TSPAN6: variants seen among roughly 807,000 people sequenced by gnomAD.
TSPAN6 encodes tetraspanin 6.
A neutral mutation model predicts 18.0 loss-of-function variants in TSPAN6; 13 were observed. The observed-to-expected ratio is 0.72, with a 90% CI of 0.47 to 1.15. The LOEUF is 1.15. Ranked by LOEUF, TSPAN6 falls within the 50% of genes most tolerant of loss-of-function variation. The pLI, the probability that TSPAN6 is intolerant of heterozygous loss-of-function variation, is 0.00. For synonymous variants in TSPAN6, 82 were observed against 67.0 expected (o/e 1.22, Z -1.09); for missense variants, 186 against 183.9 (o/e 1.01, Z -0.07).
rs2083043244 is a variant in TSPAN6, at chrX:100,629,249, T to G, written c.*777A>C. ...TCAAACAAGAGGGAAAGTATGAACA[T>G]CATAATAAATGCCTCAATTTGGAGG... On this transcript the variant is annotated 3_prime_UTR_variant, in exon 8 of 8. Coordinates refer to ENST00000373020, the MANE Select transcript of TSPAN6 (RefSeq NM_003270.4). 8.9e-6 allele frequency: 1 copy of G among 111,810 alleles called. No homozygotes were observed. Among genetic ancestry groups the G allele is most frequent in the Admixed American group, 9.5e-5 (1 of 10,539 alleles). The allele number at this position is 111,810 out of a possible 1,213,427, so 9.2% of individuals were successfully genotyped here. A position where few individuals can be genotyped will look rare whatever the true frequency, so the allele number is the denominator to read the frequency against.
intron 1 of TSPAN6, 106 bp from the exon 2 acceptor site, chrX:100,635,852 G>A (rs1245281686): frequency 1.6e-6 from 1 of 617,278 alleles, no homozygotes; most frequent in Non-Finnish European, 2.3e-6. Flanking sequence ...AATATGCTGG[G>A]ATACGGCAGA....
At chrX:100,631,932 A>G (rs1002555233) in intron 6 of TSPAN6, 1 of 111,380 alleles carries the variant, frequency 9.0e-6, no homozygotes, top group Non-Finnish European at 1.9e-5. Flanking sequence ...CAGGTTACAT[A>G]GGTATACACG....
At chrX:100,635,887 A>AGGGGTTAT (rs2083091479) in intron 1 of TSPAN6, 141 bp from the exon 2 acceptor site, 5 of 432,710 alleles carry the variant, frequency 1.2e-5, no homozygotes, top group Non-Finnish European at 1.8e-5. Flanking sequence ...AGAAGGGGTT[A>AGGGGTTAT]GGGGGGGATC....
rs1292796135 is a variant in TSPAN6, at chrX:100,632,542, A to G, written c.612T>C (p.Ile204=). 8.3e-7 allele frequency: 1 copy of G among 1,207,295 alleles called. No individual in the cohort carries two copies. Among genetic ancestry groups the G allele is most frequent in the Admixed American group, 2.2e-5 (1 of 45,948 alleles). ...NEGCFIKVMT[I]IESEMGVVAG... ...CAACGACTCCCATTTCTGACTCTATAATGGTCATCACCTTTATAAAACAAC... is the reference window on the plus strand; with the variant it reads ...CAACGACTCCCATTTCTGACTCTATGATGGTCATCACCTTTATAAAACAAC... The change falls in exon 6 of 8, where the codon ATT becomes ATC. Residue 204 remains isoleucine (I), a synonymous_variant. Transcript: ENST00000373020.
chrX:100,634,376 A>C (rs1337075069), intron 3 of TSPAN6, among the ~76,000 whole-genome samples: 1 of 112,148 alleles, frequency 8.9e-6, no homozygotes, highest in Non-Finnish European at 1.9e-5. Flanking sequence ...TGTAAGCTAC[A>C]AAACCTTACT....
chrX:100,632,363 C>T (rs1042790328), intron 6 of TSPAN6, 122 bp downstream of exon 6: 22 of 518,312 alleles, frequency 4.2e-5, no homozygotes, highest in Admixed American at 2.0e-4. Context: ...GCTGAGATGA[C>T]GCCACTGCAT....
chrX:100,633,341 T>C, intron 5 of TSPAN6, 64 bp downstream of exon 5: 1 of 1,115,309 alleles, frequency 9.0e-7, no homozygotes. Context: ...AAAAACTGGG[T>C]CAATTTTGCA....
chrX:100,632,443 C>G (rs2083066206), intron 6 of TSPAN6, 42 bp downstream of exon 6: 1 of 1,011,993 alleles, frequency 9.9e-7, no homozygotes, highest in African/African-American at 1.9e-5. Flanking sequence ...CTTACACCTA[C>G]AAGAGGGATG....
intron 3 of TSPAN6, 112 bp from the exon 4 acceptor site, chrX:100,634,141 T>G: frequency 2.1e-6 from 1 of 480,520 alleles, no homozygotes; most frequent in Non-Finnish European, 3.6e-6. Flanking sequence ...AGCAGCAACA[T>G]GTATAGTAAT....
chrX:100,636,950 T>C (rs1334452938), upstream of TSPAN6: 3 of 224,138 alleles, frequency 1.3e-5, no homozygotes, highest in East Asian at 2.2e-4. Context: ...ATTTCATAGG[T>C]CTTCAAGTGG....
chrX:100,634,089 T>G, intron 3 of TSPAN6, 60 bp from the exon 4 acceptor site: 1 of 758,457 alleles, frequency 1.3e-6, no homozygotes, highest in Non-Finnish European at 2.0e-6. Context: ...TGGTTTCAGG[T>G]CAAATAAGTT....
intron 3 of TSPAN6, 28 bp downstream of exon 3, chrX:100,635,150 A>T (rs1366909986): frequency 8.9e-7 from 1 of 1,119,729 alleles, no homozygotes; most frequent in Non-Finnish European, 1.2e-6. Flanking sequence ...TAAATGTAAC[A>T]TGCTAAGCTT....
rs1265660118 is a variant in TSPAN6 at position 100,629,488 on chromosome X, C to A, written c.*538G>T. 1.8e-5 allele frequency: 2 copies of A among 112,018 alleles called. No individual in the cohort carries two copies. The highest frequency in any genetic ancestry group is 3.8e-4 in the South Asian group (1 of 2,628). 9.2% of individuals were successfully genotyped at this position (112,018 alleles called of 1,213,427 possible). On this transcript the variant is annotated 3_prime_UTR_variant, in exon 8 of 8. Coordinates refer to ENST00000373020, the MANE Select transcript of TSPAN6 (RefSeq NM_003270.4). ...AGAGAGTCATAAAACATTTTAACTT[C>A]TTGGTGCAAATTATACAATCAAACC... is the stretch of plus-strand genomic sequence containing the variant.
chrX:100,630,742 G>A lies in TSPAN6; in HGVS notation c.*39+17C>T. 1 of 1,134,418 alleles carries A rather than the reference G, an allele frequency of 8.8e-7. No individual in the cohort carries two copies. Among genetic ancestry groups the A allele is most frequent in the Non-Finnish European group, 1.2e-6 (1 of 831,103 alleles). The allele number at this position is 1,134,418 out of a possible 1,213,427, so 93.5% of individuals were successfully genotyped here. ...AAATATCAACACTAACAGAGCTGAG[G>A]ACCAAAATGAACGCACCTTAAAGGT... On this transcript the variant is annotated intron_variant, in intron 7 of 7. Coordinates refer to ENST00000373020, the MANE Select transcript of TSPAN6 (RefSeq NM_003270.4).
At chrX:100,635,060 G>A in intron 3 of TSPAN6, 118 bp downstream of exon 3, 1 of 493,458 alleles carries the variant, frequency 2.0e-6, no homozygotes, top group Non-Finnish European at 3.2e-6. Context: ...TTACAAGAAG[G>A]CCATTATTGT....
At chrX:100,636,320 G>A in intron 1 of TSPAN6, 1 of 915,859 alleles carries the variant, frequency 1.1e-6, no homozygotes, top group South Asian at 4.8e-5. Flanking sequence ...GTGCTCTGGG[G>A]GCTTAAGGCC....
intron 3 of TSPAN6, among the ~76,000 whole-genome samples, chrX:100,634,365 T>C (rs1012413609): frequency 5.3e-5 from 6 of 112,248 alleles, no homozygotes; most frequent in African/African-American, 9.7e-5. Context: ...CCTATGGAAT[T>C]TGTAAGCTAC....
rs1183964395 is a variant in TSPAN6, at chrX:100,632,557, T to C, written c.597A>G (p.Ile199Met). The change falls in exon 6 of 8, where the codon ATA (isoleucine) becomes ATG (methionine). Residue 199 changes from isoleucine to methionine, a missense_variant. Ile to Met is a conservative substitution (Grantham distance 10, BLOSUM62 1). Coordinates refer to ENST00000373020, the MANE Select transcript of TSPAN6 (RefSeq NM_003270.4). ...ADKVNNEGCF[I>M]KVMTIIESEM... ...CTGACTCTATAATGGTCATCACCTT[T>C]ATAAAACAACCCTAATGGGAGGAAA... is the stretch of plus-strand genomic sequence containing the variant. The C allele has an allele frequency of 8.3e-7, 1 of 1,198,912 alleles. No individual in the cohort carries two copies. Among genetic ancestry groups the C allele is most frequent in the Non-Finnish European group, 1.1e-6 (1 of 886,636 alleles).
At position 100,630,821 on chromosome X, in the gene TSPAN6, T is replaced by C; in HGVS notation, c.715A>G (p.Asn239Asp). ...GGTTACACTATCTCATACTGGTTAT[T>C]TGTTATGGCACGAGAGAGGCAGTAG... The part of the protein sequence containing the change: ...LAYCLSRAIT[N>D]NQYEIV The change falls in exon 7 of 8, where the codon AAT becomes GAT. Residue 239 changes from asparagine to aspartate, a missense_variant. Asn to Asp is a conservative substitution (Grantham distance 23). Transcript: ENST00000373020. 8.3e-7 allele frequency: 1 copy of C among 1,211,105 alleles called. No homozygotes were observed. Among genetic ancestry groups the C allele is most frequent in the Non-Finnish European group, 1.1e-6 (1 of 894,968 alleles).
Sources: allele counts gnomAD v4.1 joint callset (sites outside exome capture counted in the v4.1 genomes callset), GRCh38; gene constraint gnomAD v4.1.1; transcripts MANE v1.5; gene names NCBI Gene and HGNC (gene_info 2026-07-23, HGNC 2026-07-21).